The following STK39 variants were observed in gnomAD, a reference collection of about 807,000 sequenced individuals.
STK39 encodes STE20/SPS1-related proline-alanine-rich protein kinase.
A neutral mutation model predicts 77.8 loss-of-function variants in STK39; 20 were observed. The ratio of observed to expected loss-of-function variants is 0.26; its 90% CI spans 0.18 to 0.37. STK39 has a LOEUF of 0.37. STK39 is among the 10% of genes least tolerant of loss of function. The pLI is 1.00. For synonymous variants in STK39, 246 were observed against 234.1 expected, an observed-to-expected ratio of 1.05 and a Z score of -0.47; for missense variants, 479 against 656.5, an observed-to-expected ratio of 0.73 and a Z score of 2.95.
rs200980214 is a variant in STK39, at chr2:168,065,355, G to A, written c.1269C>T (p.Pro423=). 28 of 1,613,914 alleles carry A rather than the reference G, an allele frequency of 1.7e-5. No homozygotes were observed. The highest frequency in any genetic ancestry group is 1.6e-4 in the Middle Eastern group (1 of 6,084). The part of the protein sequence containing the change: ...PEIAVSASTI[P]EQIQSLSVHD... ...GCACAGAGAGGGACTGTATTTGTTC[G>A]GGGATGGTGCTGGCACTCACTGCAA... Residue 423 remains proline (P), a synonymous_variant, in exon 13 of 18, where the codon CCC becomes CCT. Transcript: ENST00000355999.
chr2:168,061,433 A>G (rs1340608304), intron 14 of STK39, among the ~76,000 whole-genome samples: 1 of 138,924 alleles, frequency 7.2e-6, no homozygotes, highest in Non-Finnish European at 1.5e-5. Context: ...AACTTCTTAA[A>G]ATATTTAATG....
At chr2:168,239,086 T>C (rs1690692994) in intron 1 of STK39, among the ~76,000 whole-genome samples, 1 of 152,152 alleles carries the variant, frequency 6.6e-6, no homozygotes, top group Non-Finnish European at 1.5e-5. Context: ...GTTATAAAAA[T>C]AGAACTCCTG....
chr2:168,006,922 G>A (rs938266173), intron 16 of STK39, among the ~76,000 whole-genome samples: 66 of 152,220 alleles, frequency 4.3e-4, no homozygotes, highest in African/African-American at 1.3e-3. Context: ...CGCGAAGGTC[G>A]GCACACTAAA....
chr2:168,097,025 T>C (rs1651284913), intron 10 of STK39, among the ~76,000 whole-genome samples: 1 of 152,220 alleles, frequency 6.6e-6, no homozygotes, highest in African/African-American at 2.4e-5. Flanking sequence ...CTATGGGTCC[T>C]TGTCCTACTA....
chr2:168,188,471 T>C (rs1235825004), intron 1 of STK39, among the ~76,000 whole-genome samples: 1 of 152,262 alleles, frequency 6.6e-6, no homozygotes, highest in Admixed American at 6.5e-5. Flanking sequence ...GTGAGTCTAA[T>C]AAAAGTTCAC....
chr2:168,099,751 CAAT>C (rs1172035890), intron 10 of STK39, among the ~76,000 whole-genome samples: 1 of 152,120 alleles, frequency 6.6e-6, no homozygotes, highest in Non-Finnish European at 1.5e-5. Context: ...CTTCATGTCA[CAAT>C]AATTTGGCAA....
chr2:168,233,659 C>T (rs539448642), intron 1 of STK39, among the ~76,000 whole-genome samples: 6 of 152,274 alleles, frequency 3.9e-5, no homozygotes, highest in African/African-American at 1.4e-4. Context: ...TCAAATTCAC[C>T]GTTTAAGTGA....
At chr2:168,197,710 C>T (rs1471405647) in intron 1 of STK39, among the ~76,000 whole-genome samples, 2 of 152,136 alleles carry the variant, frequency 1.3e-5, no homozygotes, top group African/African-American at 4.8e-5. Flanking sequence ...CTTGTAAAGG[C>T]TTAAAAGAAA....
At chr2:168,069,627 C>G (rs1231335436) in intron 12 of STK39, among the ~76,000 whole-genome samples, 1 of 152,230 alleles carries the variant, frequency 6.6e-6, no homozygotes, top group Non-Finnish European at 1.5e-5. Flanking sequence ...AGCACACCAG[C>G]TTCCTGGATT....
At chr2:168,060,956 A>T (rs548698139) in intron 14 of STK39, among the ~76,000 whole-genome samples, 1 of 152,352 alleles carries the variant, frequency 6.6e-6, no homozygotes, top group Non-Finnish European at 1.5e-5. Context: ...GGTTAATCAG[A>T]TTGGCAATGG....
At chr2:168,232,478 G>A (rs1023778580) in intron 1 of STK39, among the ~76,000 whole-genome samples, 10 of 152,050 alleles carry the variant, frequency 6.6e-5, no homozygotes, top group East Asian at 3.8e-4. Flanking sequence ...TATGATAGAC[G>A]AACAAAACGA....
At chr2:167,966,118 CCT>C (rs1692152361) in intron 16 of STK39, among the ~76,000 whole-genome samples, 1 of 152,108 alleles carries the variant, frequency 6.6e-6, no homozygotes, top group Admixed American at 6.5e-5. Flanking sequence ...CTCTTTTTCT[CCT>C]CTTTCTTTTG....
chr2:168,124,116 G>A lies in STK39; in HGVS notation c.1089+5425C>T, dbSNP rs567187825. ...ACAGCGGTTCCATCCAAAGACAGCA[G>A]CGATGTGATACCCTTTACCTCCTTC... On this transcript the variant is annotated intron_variant, in intron 10 of 17. Coordinates refer to ENST00000355999, the MANE Select transcript of STK39 (RefSeq NM_013233.3). Among the ~76,000 whole-genome samples the A allele has an allele frequency of 2.3e-4, 35 of 152,244 alleles. 1 individual carries two copies. The highest frequency in any genetic ancestry group is 7.5e-4 in the African/African-American group (31 of 41,544).
At chr2:168,195,419 ACAGTTACCTACCATTGATTTG>A (rs1689443417) in intron 1 of STK39, among the ~76,000 whole-genome samples, 1 of 151,982 alleles carries the variant, frequency 6.6e-6, no homozygotes, top group African/African-American at 2.4e-5. Flanking sequence ...CCACCAAAAG[ACAGTTACCTACCATTGATTTG>A]CCTCATTTGC....
At chr2:168,018,537 G>GA (rs11343035) in intron 14 of STK39, among the ~76,000 whole-genome samples, 4 of 43,302 alleles carry the variant, frequency 9.2e-5, no homozygotes, top group Admixed American at 2.8e-4. Flanking sequence ...AGAAAAGAAA[G>GA]AAAAGAAAGA....
chr2:168,157,971 A>C (rs566997614), intron 5 of STK39, among the ~76,000 whole-genome samples: 123 of 152,286 alleles, frequency 8.1e-4, no homozygotes, highest in Middle Eastern at 6.8e-3. Context: ...ACCACCTCAA[A>C]GTGATCTGTT....
chr2:168,214,904 T>C (rs954730811), intron 1 of STK39, among the ~76,000 whole-genome samples: 7 of 152,216 alleles, frequency 4.6e-5, no homozygotes, highest in Non-Finnish European at 1.0e-4. Context: ...CCCTTTTTGG[T>C]AGCAACTCTA....
intron 16 of STK39, among the ~76,000 whole-genome samples, chr2:167,982,479 A>G (rs1386557713): frequency 1.3e-5 from 2 of 152,196 alleles, no homozygotes; most frequent in African/African-American, 4.8e-5. Context: ...GTTATTCCCT[A>G]AGAAGGTGAT....
chr2:168,147,948 A>C (rs540744256), intron 5 of STK39, among the ~76,000 whole-genome samples: 1 of 152,322 alleles, frequency 6.6e-6, no homozygotes, highest in African/African-American at 2.4e-5. Context: ...AGACTTACTT[A>C]TTACATCCAG....
Sources: allele counts gnomAD v4.1 joint callset (sites outside exome capture counted in the v4.1 genomes callset), GRCh38; gene constraint gnomAD v4.1.1; transcripts MANE v1.5; gene names NCBI Gene and HGNC (gene_info 2026-07-23, HGNC 2026-07-21).